Variants in EARS2 observed in about 807,000 individuals in gnomAD.
EARS2 encodes the protein glutamyl-tRNA synthetase 2, mitochondrial, also known as nondiscriminating glutamyl-tRNA synthetase EARS2, mitochondrial.
Under a neutral mutation model 54.1 loss-of-function variants are expected in EARS2, and 50 were observed. The ratio of observed to expected loss-of-function variants is 0.92; its 90% CI spans 0.74 to 1.17. EARS2 has a LOEUF of 1.17. Among genes scored for constraint, EARS2 ranks in the 50% most tolerant of loss-of-function variants. EARS2 has a pLI of 0.00. For missense variants in EARS2, 673 were observed against 675.0 expected (o/e 1.00, Z 0.03); for synonymous variants, 298 against 281.0 (o/e 1.06, Z -0.61).
intron 1 of EARS2, 24 bp downstream of exon 1, chr16:23,557,181 T>A: frequency 6.6e-7 from 1 of 1,505,182 alleles, no homozygotes; most frequent in South Asian, 1.3e-5. Context: ...CCTCGGCCTG[T>A]AGCGTCACGT....
At chr16:23,533,707 T>C (rs1965364286) in intron 4 of EARS2, among the ~76,000 whole-genome samples, 1 of 152,038 alleles carries the variant, frequency 6.6e-6, no homozygotes, top group South Asian at 2.1e-4. Context: ...CTGGGTTTGG[T>C]TGGGGTCTGA....
At chr16:23,529,434 A>G (rs1000267066) in intron 7 of EARS2, 68 bp downstream of exon 7, 15 of 1,561,188 alleles carry the variant, frequency 9.6e-6, no homozygotes, top group Non-Finnish European at 1.1e-5. Context: ...CCCTGAAGGA[A>G]AGAGAGCCAT....
rs986765850 is a variant in EARS2, at chr16:23,535,598, T to C, written c.486-238A>G. 2.8e-5 allele frequency: 16 copies of C among 578,932 alleles called. No homozygotes were observed. In the East Asian group the frequency reaches 4.6e-4, roughly 17 times the overall value. The allele number at this position is 578,932 out of a possible 1,614,324, so 35.9% of individuals were successfully genotyped here. A position where few individuals can be genotyped will look rare whatever the true frequency, so the allele number is the denominator to read the frequency against. On this transcript the variant is annotated intron_variant, in intron 3 of 8. Coordinates refer to ENST00000449606, the MANE Select transcript of EARS2 (RefSeq NM_001083614.2). ...CGCTTCTTCCTTGCTAACAAGAAAA[T>C]AGCAAAATGCTTAGTCCGAGGGGTT...
chr16:23,529,930 C>T (rs753930898), intron 5 of EARS2, 33 bp from the exon 6 acceptor site: 2 of 1,609,424 alleles, frequency 1.2e-6, no homozygotes, highest in South Asian at 1.1e-5. Context: ...GCCCTGCTGT[C>T]AACACCCCAA....
chr16:23,534,217 T>C lies in EARS2; in HGVS notation c.958+671A>G, dbSNP rs544134474. 2.0e-5 allele frequency among the ~76,000 whole-genome samples: 3 copies of C among 152,344 alleles called. No individual in the cohort carries two copies. In the South Asian group the frequency reaches 6.2e-4, roughly 32 times the overall value. On this transcript the variant is annotated intron_variant, in intron 4 of 8. Transcript: ENST00000449606. ...GGCAAGTTACTCAGCTTCTCTGAGC[T>C]TCACAATCCTCTTACAAACAGTGGA...
chr16:23,547,022 G>C (rs139440174), intron 2 of EARS2, among the ~76,000 whole-genome samples: 1 of 152,322 alleles, frequency 6.6e-6, no homozygotes, highest in East Asian at 1.9e-4. Flanking sequence ...GTTTAAGAGG[G>C]ACTCCCCTAG....
At chr16:23,540,001 A>AATT in intron 3 of EARS2, among the ~76,000 whole-genome samples, 1 of 151,996 alleles carries the variant, frequency 6.6e-6, no homozygotes, top group Non-Finnish European at 1.5e-5. Context: ...AAATACAAAA[A>AATT]AAATTTGCCG....
At chr16:23,542,681 A>G (rs1418033957) in intron 3 of EARS2, among the ~76,000 whole-genome samples, 1 of 152,038 alleles carries the variant, frequency 6.6e-6, no homozygotes, top group Non-Finnish European at 1.5e-5. Context: ...CTGAGACCAA[A>G]TCTTGGCTTC....
chr16:23,535,399 A>C, intron 3 of EARS2, 39 bp from the exon 4 acceptor site: 1 of 1,566,926 alleles, frequency 6.4e-7, no homozygotes, highest in Non-Finnish European at 8.6e-7. Flanking sequence ...TGTTGATGGA[A>C]AGGTTGATGG....
At chr16:23,534,741 A>G in intron 4 of EARS2, 147 bp downstream of exon 4, 1 of 682,438 alleles carries the variant, frequency 1.5e-6, no homozygotes, top group Admixed American at 3.0e-5. Flanking sequence ...CAAAATAAAC[A>G]TTTATTGAAT....
chr16:23,535,975 G>A (rs1480900722), intron 3 of EARS2, among the ~76,000 whole-genome samples: 2 of 152,198 alleles, frequency 1.3e-5, no homozygotes, highest in Non-Finnish European at 2.9e-5. Context: ...TACACTGCTA[G>A]TCTCATCCTG....
intron 1 of EARS2, chr16:23,553,075 C>T (rs1965722181): frequency 5.0e-6 from 2 of 401,754 alleles, no homozygotes; most frequent in South Asian, 1.7e-5. Context: ...CTGCAGCGAG[C>T]CATGATCACG....
At chr16:23,529,287 T>C (rs1283175772) in intron 7 of EARS2, among the ~76,000 whole-genome samples, 2 of 151,994 alleles carry the variant, frequency 1.3e-5, no homozygotes, top group Non-Finnish European at 2.9e-5. Flanking sequence ...TGCAACCAGG[T>C]TGGTGCAAGC....
intron 3 of EARS2, among the ~76,000 whole-genome samples, chr16:23,536,717 G>C (rs1965425889): frequency 7.5e-6 from 1 of 133,780 alleles, no homozygotes; most frequent in South Asian, 2.3e-4. Context: ...GAGTCTCGCT[G>C]TGTCACCCAG....
intron 7 of EARS2, among the ~76,000 whole-genome samples, chr16:23,527,920 T>A (rs1480964806): frequency 1.3e-5 from 2 of 152,186 alleles, no homozygotes; most frequent in Non-Finnish European, 2.9e-5. Context: ...ATTCATATGT[T>A]GAAATTTTAA....
chr16:23,554,189 G>C lies in EARS2; in HGVS notation c.140-1885C>G, dbSNP rs557821958. Among the ~76,000 whole-genome samples the C allele has an allele frequency of 5.9e-5, 9 of 151,420 alleles. No homozygotes were observed. The East Asian group carries it at 1.6e-3, about 26-fold the overall frequency. ...CATGCCCGGCTAATATTTGTTTTTT[G>C]GTTTTTTTTTTGCAGAGGCAAGGTC... On this transcript the variant is annotated intron_variant, in intron 1 of 8. Transcript: ENST00000449606.
chr16:23,542,923 T>C (rs1965539458), intron 3 of EARS2, among the ~76,000 whole-genome samples: 1 of 151,382 alleles, frequency 6.6e-6, no homozygotes, highest in Admixed American at 6.6e-5. Context: ...GAGAACAGCC[T>C]GGGCAACATG....
intron 2 of EARS2, among the ~76,000 whole-genome samples, chr16:23,550,233 G>A (rs938115234): frequency 8.6e-5 from 13 of 151,886 alleles, no homozygotes; most frequent in African/African-American, 3.1e-4. Flanking sequence ...TGGGCATGGT[G>A]GCACACAGCT....
At chr16:23,555,003 C>T (rs1437773167) in intron 1 of EARS2, among the ~76,000 whole-genome samples, 1 of 152,216 alleles carries the variant, frequency 6.6e-6, no homozygotes, top group African/African-American at 2.4e-5. Context: ...CCCACATGGG[C>T]TTTCCCCGCA....
Sources: allele counts gnomAD v4.1 joint callset (sites outside exome capture counted in the v4.1 genomes callset), GRCh38; gene constraint gnomAD v4.1.1; transcripts MANE v1.5; gene names NCBI Gene and HGNC (gene_info 2026-07-23, HGNC 2026-07-21).